Variants in HORMAD1 observed in about 807,000 individuals in gnomAD.
HORMAD1 encodes HORMA domain-containing protein 1.
In HORMAD1, 33 loss-of-function variants were observed where a neutral mutation model predicts 58.2. That is an observed-to-expected ratio of 0.57 (90% CI 0.43 to 0.76). The LOEUF is 0.76. HORMAD1 is among the 30% of genes least tolerant of loss of function. The pLI is 0.00. For synonymous variants in HORMAD1, 137 were observed against 144.6 expected (o/e 0.95, Z 0.38); for missense variants, 363 against 462.0 (o/e 0.79, Z 1.96).
At chr1:150,716,256 G>T (rs975473928) in intron 3 of HORMAD1, among the ~76,000 whole-genome samples, 1 of 142,030 alleles carries the variant, frequency 7.0e-6, no homozygotes, top group Non-Finnish European at 1.5e-5. Flanking sequence ...TCCGCCTCCC[G>T]GGTTCAAGCG....
chr1:150,704,417 T>C (rs1165031982), intron 10 of HORMAD1, 74 bp from the exon 11 acceptor site: 16 of 943,932 alleles, frequency 1.7e-5, no homozygotes, highest in Non-Finnish European at 2.4e-5. Flanking sequence ...AAAGCATTTA[T>C]GAACAAATTT....
chr1:150,699,542 T>A (rs1000631431), intron 14 of HORMAD1, among the ~76,000 whole-genome samples: 4 of 151,688 alleles, frequency 2.6e-5, no homozygotes, highest in African/African-American at 4.8e-5. Flanking sequence ...TTTTTTTTTT[T>A]AAAGACGGAG....
At chr1:150,716,737 G>C (rs914844361) in intron 3 of HORMAD1, among the ~76,000 whole-genome samples, 10 of 151,710 alleles carry the variant, frequency 6.6e-5, no homozygotes, top group African/African-American at 2.4e-4. Flanking sequence ...GCCGAGGCGG[G>C]CAGATCACAA....
intron 6 of HORMAD1, 55 bp downstream of exon 6, chr1:150,711,778 G>T (rs1651912521): frequency 7.8e-7 from 1 of 1,279,626 alleles, no homozygotes; most frequent in Admixed American, 1.8e-5. Flanking sequence ...ATTTAATTAA[G>T]CAAGGCCAAA....
intron 8 of HORMAD1, 115 bp downstream of exon 8, chr1:150,708,779 A>G (rs1393524020): frequency 4.9e-6 from 3 of 613,532 alleles, no homozygotes; most frequent in Non-Finnish European, 8.6e-6. Flanking sequence ...CCACATCTTG[A>G]TGGTTAATTG....
At position 150,708,376 on chromosome 1, in the gene HORMAD1, A is replaced by C. The variant is rs587627691; in HGVS notation, c.427T>G (p.Ser143Ala). The C allele has an allele frequency of 6.2e-7, 1 of 1,607,316 alleles. No homozygotes were observed. The highest frequency in any genetic ancestry group is 1.7e-5 in the Admixed American group (1 of 58,924). ...ATGCTTGCTTTCTTGGTGTCAGTAG[A>C]CAACATGCTAGATTCGTTGCTTTGG... ...KNQSNESSML[S>A]TDTKKASILL... The change falls in exon 9 of 15, where the codon TCT (serine) becomes GCT (alanine). Residue 143 changes from serine (S) to alanine (A), a missense_variant. By Grantham distance (99) the Ser-to-Ala change is moderately conservative (BLOSUM62 1). This residue lies in a region of HORMAD1 where 128 missense variants were observed against 171.8 expected (regional missense o/e 0.74). Transcript: ENST00000361824.
chr1:150,711,066 C>T (rs1651862298), intron 7 of HORMAD1, among the ~76,000 whole-genome samples: 1 of 152,148 alleles, frequency 6.6e-6, no homozygotes, highest in Non-Finnish European at 1.5e-5. Flanking sequence ...ATAAAGTAAG[C>T]ACTCAGTAGA....
rs748502152 is a variant in HORMAD1 at position 150,714,074 on chromosome 1, G to A, written c.279+11C>T. The A allele has an allele frequency of 3.4e-6, 5 of 1,470,774 alleles. No homozygotes were observed. Among genetic ancestry groups the A allele is most frequent in the South Asian group, 1.2e-5 (1 of 83,410 alleles). 91.1% of individuals were successfully genotyped at this position (1,470,774 alleles called of 1,614,324 possible). A position where few individuals can be genotyped will look rare whatever the true frequency, so the allele number is the denominator to read the frequency against. ...GTAGAAAAAAAAGGATAAAGAGATTGCAAGACTTACATATTTTTTCTGTAA... is the reference window on the plus strand; with the variant it reads ...GTAGAAAAAAAAGGATAAAGAGATTACAAGACTTACATATTTTTTCTGTAA... On this transcript the variant is annotated intron_variant, in intron 5 of 14. Transcript: ENST00000361824.
chr1:150,702,947 G>A (rs1266727709), intron 13 of HORMAD1, among the ~76,000 whole-genome samples: 1 of 152,036 alleles, frequency 6.6e-6, no homozygotes, highest in Non-Finnish European at 1.5e-5. Flanking sequence ...GAACATTCTG[G>A]CATTCTAGGA....
At chr1:150,703,661 A>G (rs1651601966) in intron 12 of HORMAD1, among the ~76,000 whole-genome samples, 2 of 152,342 alleles carry the variant, frequency 1.3e-5, no homozygotes, top group South Asian at 4.1e-4. Context: ...AATTTAGTCT[A>G]CTTATTTGAG....
intron 5 of HORMAD1, 52 bp from the exon 6 acceptor site, chr1:150,711,905 T>C: frequency 8.3e-7 from 1 of 1,203,130 alleles, no homozygotes; most frequent in Non-Finnish European, 1.2e-6. Flanking sequence ...AAAATAATTT[T>C]TCATTACGAA....
At position 150,704,185 on chromosome 1, in the gene HORMAD1, A is replaced by G. The variant is rs1651615824; in HGVS notation, c.881T>C (p.Leu294Ser). 5 of 1,586,760 alleles carry G rather than the reference A, an allele frequency of 3.2e-6. No individual in the cohort carries two copies. The East Asian group carries it at 1.1e-4, about 36-fold the overall frequency. ...PASSELEEPS[L>S]VCEEDEIMRS... ...CATAATTTCATCTTCCTCACAAACTAAACTTGGTTCTGTAAAAAAAAAAAA... is the reference window on the plus strand; with the variant it reads ...CATAATTTCATCTTCCTCACAAACTGAACTTGGTTCTGTAAAAAAAAAAAA... Residue 294 changes from leucine (L) to serine (S), a missense_variant, in exon 12 of 15, where the codon TTA (leucine) becomes TCA (serine). Physicochemically the swap from Leu to Ser is moderately radical, Grantham distance 145 (BLOSUM62 -2). Around this residue, in one of 3 missense-constraint regions of HORMAD1, gnomAD observed 226 missense variants for 257.8 expected, o/e 0.88. Transcript: ENST00000361824.
intron 10 of HORMAD1, 125 bp from the exon 11 acceptor site, chr1:150,704,468 G>A (rs762027397): frequency 1.1e-5 from 7 of 639,896 alleles, no homozygotes; most frequent in African/African-American, 3.7e-5. Context: ...ACTACTGGCC[G>A]GGCATGGTGG....
At chr1:150,717,515 T>TA (rs1379886302) in intron 2 of HORMAD1, among the ~76,000 whole-genome samples, 2 of 151,984 alleles carry the variant, frequency 1.3e-5, no homozygotes, top group African/African-American at 4.8e-5. Flanking sequence ...TTAATTTTTT[T>TA]TTTTTATTTT....
intron 5 of HORMAD1, among the ~76,000 whole-genome samples, chr1:150,712,084 G>GC (rs1651921260): frequency 6.6e-6 from 1 of 152,008 alleles, no homozygotes; most frequent in Non-Finnish European, 1.5e-5. Context: ...ATTCATGTCA[G>GC]CACTTTATTT....
Position 150,698,129 on chromosome 1 carries a change from G to GT in HORMAD1, c.*524dup, listed in dbSNP as rs1446141279. ...CTTTAAAAATCAGTCTTTTTGTCCT[G>GT]TAAAAAAAAGCATAGTAAAGGTAAA... On this transcript the variant is annotated 3_prime_UTR_variant, in exon 15 of 15. Transcript: ENST00000361824. 1 of 151,838 alleles carries GT rather than the reference G, an allele frequency of 6.6e-6. No homozygotes were observed. The highest frequency in any genetic ancestry group is 1.5e-5 in the Non-Finnish European group (1 of 67,972). 9.4% of individuals were successfully genotyped at this position (151,838 alleles called of 1,614,324 possible).
chr1:150,718,487 A>T (rs1214258121), intron 2 of HORMAD1, among the ~76,000 whole-genome samples: 1 of 152,082 alleles, frequency 6.6e-6, no homozygotes, highest in Non-Finnish European at 1.5e-5. Flanking sequence ...TTGCAGATTA[A>T]CTGTCTGTAA....
In HORMAD1 at chr1:150,703,341, G is replaced by A; in HGVS notation, c.1001C>T (p.Thr334Ile). Reference sequence around the variant, plus strand: ...ATTCTGAAAGACTTTTCCACTTCTTGTTTTGCTTTCAGACATATCAAGTTC... The same window carrying A: ...ATTCTGAAAGACTTTTCCACTTCTTATTTTGCTTTCAGACATATCAAGTTC... The part of the protein sequence containing the change: ...TSELDMSESK[T>I]RSGKVFQNKM... The change falls in exon 13 of 15, where the codon ACA becomes ATA. Residue 334 changes from threonine to isoleucine, a missense_variant. Thr to Ile is a moderately conservative substitution (Grantham distance 89). This residue lies in a region of HORMAD1 where 226 missense variants were observed against 257.8 expected (regional missense o/e 0.88). Transcript: ENST00000361824. 6.3e-7 allele frequency: 1 copy of A among 1,581,106 alleles called. No individual in the cohort carries two copies. The highest frequency in any genetic ancestry group is 8.6e-7 in the Non-Finnish European group (1 of 1,157,426).
chr1:150,705,055 A>C (rs1290030851), intron 10 of HORMAD1, among the ~76,000 whole-genome samples: 1 of 152,078 alleles, frequency 6.6e-6, no homozygotes, highest in African/African-American at 2.4e-5. Flanking sequence ...AAAACAAAAC[A>C]AAACAAAACA....
Sources: gnomAD v4.1 joint callset for allele counts (sites outside exome capture counted in the v4.1 genomes callset) on GRCh38, gnomAD v4.1.1 for gene constraint, gnomAD v4.1.1 regional missense constraint, MANE v1.5 for transcripts, NCBI Gene and HGNC (gene_info 2026-07-23, HGNC 2026-07-21) for gene names.